CNTN4: variants seen among roughly 807,000 people sequenced by gnomAD.
CNTN4 encodes the protein contactin 4.
In CNTN4, 77 loss-of-function variants were observed where a neutral mutation model predicts 122.5. The observed-to-expected ratio is 0.63, with a 90% confidence interval of 0.52 to 0.76. The LOEUF is 0.76. CNTN4 is among the 30% of genes least tolerant of loss of function. The pLI, the probability that CNTN4 is intolerant of heterozygous loss-of-function variation, is 0.00. For synonymous variants in CNTN4, 512 were observed against 447.0 expected, an observed-to-expected ratio of 1.15 and a Z score of -1.83; for missense variants, 1,256 against 1,259.1, an observed-to-expected ratio of 1.00 and a Z score of 0.04.
intron 14 of CNTN4, among the ~76,000 whole-genome samples, chr3:2,990,596 C>A (rs995383297): frequency 6.6e-6 from 1 of 152,154 alleles, no homozygotes; most frequent in African/African-American, 2.4e-5. Flanking sequence ...GAGTTTGCAT[C>A]CCAGTGATAC....
chr3:2,648,198 G>A (rs2619572), intron 4 of CNTN4, among the ~76,000 whole-genome samples: 80,153 of 152,028 alleles, frequency 0.53, 21,526 homozygotes, highest in East Asian at 0.66. Flanking sequence ...GTAATTTTCA[G>A]ATAGCCTGCA....
At position 2,841,776 on chromosome 3, in the gene CNTN4, A is replaced by C. The variant is rs762505535; in HGVS notation, c.454+22195A>C. 6.6e-6 allele frequency among the ~76,000 whole-genome samples: 1 copy of C among 152,240 alleles called. No individual in the cohort carries two copies. The highest frequency in any genetic ancestry group is 2.1e-4 in the South Asian group (1 of 4,824). On this transcript the variant is annotated intron_variant, in intron 7 of 24. Transcript: ENST00000418658. The surrounding 1 kb of genome is among the most constrained non-coding windows in gnomAD (Gnocchi z 4.8). ...TAACATGATCATTTTCAGGAATTTT[A>C]TTCTTCCTCCCTTGACCACAAATAT...
At chr3:2,668,411 A>G (rs1244048461) in intron 4 of CNTN4, among the ~76,000 whole-genome samples, 3 of 152,178 alleles carry the variant, frequency 2.0e-5, no homozygotes, top group African/African-American at 7.2e-5. Context: ...ATTGGTATAT[A>G]AGAATGCTTG....
chr3:2,263,584 A>C (rs901674226), intron 2 of CNTN4, among the ~76,000 whole-genome samples: 2 of 152,126 alleles, frequency 1.3e-5, no homozygotes, highest in Non-Finnish European at 2.9e-5. Flanking sequence ...AATTAGAGTA[A>C]CTGGGATACC....
chr3:2,660,792 A>C (rs1261406672), intron 4 of CNTN4, among the ~76,000 whole-genome samples: 2 of 152,254 alleles, frequency 1.3e-5, no homozygotes, highest in Admixed American at 1.3e-4. Context: ...GACAGATATA[A>C]GATTGAAGTT....
At chr3:3,016,577 C>A (rs1385410739) in intron 14 of CNTN4, among the ~76,000 whole-genome samples, 1 of 152,104 alleles carries the variant, frequency 6.6e-6, no homozygotes. Context: ...AAACAAAAAC[C>A]TCCTTATTAA....
chr3:2,486,392 G>T (rs1480144827), intron 3 of CNTN4, among the ~76,000 whole-genome samples: 1 of 152,088 alleles, frequency 6.6e-6, no homozygotes, highest in African/African-American at 2.4e-5. Flanking sequence ...TGAATCAAGA[G>T]GAACTTCTAG....
intron 17 of CNTN4, among the ~76,000 whole-genome samples, chr3:3,035,927 TA>T (rs34297312): frequency 0.11 from 15,709 of 142,880 alleles, 794 homozygotes; most frequent in African/African-American, 0.14. Flanking sequence ...TACAAATTCT[TA>T]AAAAAAAAAA....
At chr3:2,171,430 T>C (rs1405244563) in intron 2 of CNTN4, among the ~76,000 whole-genome samples, 1 of 152,234 alleles carries the variant, frequency 6.6e-6, no homozygotes, top group African/African-American at 2.4e-5. Flanking sequence ...AATGTGAAAC[T>C]AATACCAACT....
intron 2 of CNTN4, among the ~76,000 whole-genome samples, chr3:2,252,594 G>T (rs946728924): frequency 2.0e-5 from 3 of 152,042 alleles, no homozygotes; most frequent in Non-Finnish European, 2.9e-5. Flanking sequence ...CTTTGATTTT[G>T]CAGGTTAGTT....
intron 6 of CNTN4, among the ~76,000 whole-genome samples, chr3:2,776,224 A>G (rs565571262): frequency 2.2e-4 from 34 of 151,220 alleles, no homozygotes; most frequent in African/African-American, 8.3e-4. Context: ...ATCATTTTCC[A>G]TACAGGATTG....
At chr3:2,605,853 A>G (rs1396083152) in intron 4 of CNTN4, among the ~76,000 whole-genome samples, 1 of 152,226 alleles carries the variant, frequency 6.6e-6, no homozygotes, top group East Asian at 1.9e-4. Flanking sequence ...GTTAAAGAAG[A>G]CAAATGATAA....
intron 2 of CNTN4, among the ~76,000 whole-genome samples, chr3:2,116,391 G>A (rs1049808960): frequency 6.6e-6 from 1 of 152,074 alleles, no homozygotes; most frequent in Non-Finnish European, 1.5e-5. Context: ...TAAACTCTGT[G>A]GGGTAATTGC....
chr3:2,520,259 CTTTTTTTTTTTTTTTTTT>C (rs397988483), intron 3 of CNTN4, among the ~76,000 whole-genome samples: 2 of 74,466 alleles, frequency 2.7e-5, no homozygotes, highest in Non-Finnish European at 4.6e-5. Context: ...TGATTGCTTC[CTTTTTTTTTTTTTTTTTT>C]TTTTTTTTTT....
rs574771126 is a variant in CNTN4 at position 2,380,411 on chromosome 3, A to C, written c.-89+41178A>C. Among the ~76,000 whole-genome samples, 315 of 151,266 alleles carry C rather than the reference A, an allele frequency of 2.1e-3. 3 individuals carry two copies. The highest frequency in any genetic ancestry group is 7.3e-3 in the African/African-American group (300 of 41,292). Reference sequence around the variant, plus strand: ...TGATGTTGTAGATTGGAAAGAGGAAATAGTTGAAGAACATGAAATGTGTCT... The same window carrying C: ...TGATGTTGTAGATTGGAAAGAGGAACTAGTTGAAGAACATGAAATGTGTCT... On this transcript the variant is annotated intron_variant, in intron 3 of 24. Coordinates refer to ENST00000418658, the MANE Select transcript of CNTN4 (RefSeq NM_175607.3).
At chr3:2,509,831 A>G (rs1467985396) in intron 3 of CNTN4, among the ~76,000 whole-genome samples, 2 of 152,148 alleles carry the variant, frequency 1.3e-5, no homozygotes, top group African/African-American at 4.8e-5. Context: ...GATAGTAGGG[A>G]TGAAAGAAAG....
At chr3:2,306,953 A>G (rs2150112398) in intron 2 of CNTN4, among the ~76,000 whole-genome samples, 2 of 152,240 alleles carry the variant, frequency 1.3e-5, no homozygotes, top group East Asian at 3.9e-4. Flanking sequence ...ACTTATATTT[A>G]TATATTGAAC....
At chr3:2,224,059 G>T (rs1222131333) in intron 2 of CNTN4, among the ~76,000 whole-genome samples, 2 of 152,146 alleles carry the variant, frequency 1.3e-5, no homozygotes, top group Non-Finnish European at 2.9e-5. Context: ...AAGTTGTCTG[G>T]AGTAGCCCTC....
chr3:2,473,875 G>A (rs941846492), intron 3 of CNTN4, among the ~76,000 whole-genome samples: 1 of 152,084 alleles, frequency 6.6e-6, no homozygotes, highest in African/African-American at 2.4e-5. Flanking sequence ...AGCCAGGTGT[G>A]GTGGTGCATG....
Sources: gnomAD v4.1 joint callset for allele counts (sites outside exome capture counted in the v4.1 genomes callset) on GRCh38, gnomAD v4.1.1 for gene constraint, Gnocchi (gnomAD v3.1) non-coding constraint, MANE v1.5 for transcripts, NCBI Gene and HGNC (gene_info 2026-07-23, HGNC 2026-07-21) for gene names.